The following ARHGAP32 variants were observed in gnomAD, a reference collection of about 807,000 sequenced individuals.
ARHGAP32 encodes Rho GTPase activating protein 32, also known as rho GTPase-activating protein 32.
A neutral mutation model predicts 186.5 loss-of-function variants in ARHGAP32; 51 were observed. The ratio of observed to expected loss-of-function variants is 0.27; its 90% confidence interval spans 0.22 to 0.35. The LOEUF is 0.35. Among genes scored for constraint, ARHGAP32 ranks in the 10% least tolerant of loss-of-function variants. The pLI, the probability that ARHGAP32 is intolerant of heterozygous loss-of-function variation, is 1.00. For missense variants in ARHGAP32, 2,186 were observed against 2,623.5 expected, an observed-to-expected ratio of 0.83 and a Z score of 3.64; for synonymous variants, 950 against 964.3, an observed-to-expected ratio of 0.99 and a Z score of 0.27.
intron 1 of ARHGAP32, among the ~76,000 whole-genome samples, chr11:129,209,536 A>G (rs1175397194): frequency 1.3e-5 from 2 of 152,116 alleles, no homozygotes; most frequent in Non-Finnish European, 2.9e-5. Flanking sequence ...TTTACTGCAC[A>G]TGCCTTGACA....
chr11:129,229,791 C>T (rs7127011), intron 1 of ARHGAP32, among the ~76,000 whole-genome samples: 43,186 of 151,934 alleles, frequency 0.28, 6,484 homozygotes, highest in Middle Eastern at 0.4. Flanking sequence ...TATATATATG[C>T]ATAACATTAA....
chr11:129,045,120 T>C (rs1040368293), intron 10 of ARHGAP32, among the ~76,000 whole-genome samples: 1 of 152,224 alleles, frequency 6.6e-6, no homozygotes, highest in Non-Finnish European at 1.5e-5. Flanking sequence ...TTTTACTTTA[T>C]CATAAGTGTA....
intron 1 of ARHGAP32, among the ~76,000 whole-genome samples, chr11:129,189,579 T>A (rs1020298565): frequency 1.3e-5 from 2 of 152,200 alleles, no homozygotes; most frequent in Admixed American, 6.5e-5. Flanking sequence ...GGACTAAATA[T>A]TCTAGTCTAA....
chr11:129,042,905 G>A (rs1467009517), intron 10 of ARHGAP32, among the ~76,000 whole-genome samples: 1 of 152,162 alleles, frequency 6.6e-6, no homozygotes, highest in Non-Finnish European at 1.5e-5. Context: ...CTCATGCCGA[G>A]GAGATGGGAG....
At chr11:128,975,654 A>C (rs954788412) in intron 20 of ARHGAP32, among the ~76,000 whole-genome samples, 2 of 152,164 alleles carry the variant, frequency 1.3e-5, no homozygotes, top group African/African-American at 2.4e-5. Flanking sequence ...CGATGTTGCT[A>C]AATATCCAAC....
At chr11:129,209,917 GA>G (rs1266546664) in intron 1 of ARHGAP32, among the ~76,000 whole-genome samples, 1 of 152,160 alleles carries the variant, frequency 6.6e-6, no homozygotes. Flanking sequence ...AATGTCGGGG[GA>G]TATCAGTAAG....
intron 1 of ARHGAP32, among the ~76,000 whole-genome samples, chr11:129,204,639 T>C (rs896623835): frequency 1.3e-5 from 2 of 152,232 alleles, no homozygotes; most frequent in East Asian, 1.9e-4. Flanking sequence ...TTGCTACTTA[T>C]CTTATTCTGA....
chr11:129,096,305 C>T (rs60149048), intron 5 of ARHGAP32, among the ~76,000 whole-genome samples: 2 of 152,010 alleles, frequency 1.3e-5, no homozygotes, highest in African/African-American at 2.4e-5. Flanking sequence ...CAAAAGCACA[C>T]GAGAAAGAGA....
chr11:129,064,985 G>A, intron 7 of ARHGAP32, 52 bp from the exon 8 acceptor site: 2 of 1,424,724 alleles, frequency 1.4e-6, no homozygotes, highest in Non-Finnish European at 1.9e-6. Flanking sequence ...ATGCTCTCTG[G>A]CAGGGAAAAC....
chr11:128,997,933 T>C (rs2134731861), intron 12 of ARHGAP32, among the ~76,000 whole-genome samples: 1 of 149,090 alleles, frequency 6.7e-6, no homozygotes, highest in Non-Finnish European at 1.5e-5. Context: ...TTTTGGCATT[T>C]TATGTCTCAA....
intron 5 of ARHGAP32, among the ~76,000 whole-genome samples, chr11:129,114,242 C>A (rs1565429212): frequency 1.3e-5 from 2 of 151,992 alleles, no homozygotes; most frequent in Non-Finnish European, 2.9e-5. Context: ...AACACAAGCA[C>A]CTTTGTCTGT....
intron 7 of ARHGAP32, among the ~76,000 whole-genome samples, chr11:129,066,142 T>C (rs1413432744): frequency 1.3e-5 from 2 of 152,140 alleles, no homozygotes; most frequent in East Asian, 1.9e-4. Context: ...TCAGTTTCTA[T>C]GTGTAAACTT....
At chr11:129,094,179 T>C (rs766994485) in intron 5 of ARHGAP32, among the ~76,000 whole-genome samples, 7 of 152,054 alleles carry the variant, frequency 4.6e-5, no homozygotes, top group African/African-American at 9.7e-5. Context: ...CACAACAAGG[T>C]GACTATAGTT....
intron 5 of ARHGAP32, among the ~76,000 whole-genome samples, chr11:129,109,024 C>T (rs1174771171): frequency 2.0e-5 from 3 of 152,116 alleles, no homozygotes; most frequent in Admixed American, 2.0e-4. Flanking sequence ...CACCTTCTAT[C>T]TAACTGCATG....
intron 2 of ARHGAP32, among the ~76,000 whole-genome samples, chr11:129,134,707 G>A (rs1942897114): frequency 6.6e-6 from 1 of 152,148 alleles, no homozygotes; most frequent in African/African-American, 2.4e-5. Flanking sequence ...TAACGCCCAA[G>A]GTGAGGGTAG....
intron 10 of ARHGAP32, among the ~76,000 whole-genome samples, chr11:129,046,821 T>C (rs865821823): frequency 2.0e-5 from 3 of 151,896 alleles, no homozygotes; most frequent in African/African-American, 7.3e-5. Flanking sequence ...TGCTTATCGC[T>C]GACTTAAAAA....
At chr11:129,153,550 T>G (rs1565446676) in intron 2 of ARHGAP32, among the ~76,000 whole-genome samples, 1 of 152,064 alleles carries the variant, frequency 6.6e-6, no homozygotes, top group Non-Finnish European at 1.5e-5. Flanking sequence ...TGTAGACCAA[T>G]GGAACAGAAT....
At chr11:129,235,288 G>A (rs1009016652) in intron 1 of ARHGAP32, among the ~76,000 whole-genome samples, 33 of 152,082 alleles carry the variant, frequency 2.2e-4, no homozygotes, top group African/African-American at 7.2e-4. Context: ...CACCTGCCAC[G>A]AGCTCTACCT....
intron 19 of ARHGAP32, among the ~76,000 whole-genome samples, chr11:128,977,649 A>G (rs1027260820): frequency 6.6e-6 from 1 of 152,054 alleles, no homozygotes; most frequent in Non-Finnish European, 1.5e-5. Context: ...AGAGTTGACA[A>G]TTCCTACCAC....
Sources: gnomAD v4.1 joint callset for allele counts (sites outside exome capture counted in the v4.1 genomes callset) on GRCh38, gnomAD v4.1.1 for gene constraint, MANE v1.5 for transcripts, NCBI Gene and HGNC (gene_info 2026-07-23, HGNC 2026-07-21) for gene names.